PKN2: variants seen among roughly 807,000 people sequenced by gnomAD.
PKN2 encodes protein kinase N2, also known as serine/threonine-protein kinase N2.
A neutral mutation model predicts 119.1 loss-of-function variants in PKN2; 38 were observed. The ratio of observed to expected loss-of-function variants is 0.32; its 90% CI spans 0.25 to 0.42. The LOEUF is 0.42. Ranked by LOEUF, PKN2 falls within the 10% of genes least tolerant of loss-of-function variation. The probability of loss-of-function intolerance (pLI) is 1.00; values close to 1 mark genes in which losing one functional copy is unlikely to be tolerated. For synonymous variants in PKN2, 390 were observed against 384.9 expected (o/e 1.01, Z -0.15); for missense variants, 850 against 1,165.1 (o/e 0.73, Z 3.94).
intron 2 of PKN2, among the ~76,000 whole-genome samples, chr1:88,753,114 A>C (rs1350030452): frequency 3.3e-5 from 5 of 152,206 alleles, no homozygotes; most frequent in Non-Finnish European, 7.3e-5. Flanking sequence ...CGAACTCCTT[A>C]GAATGCTTTT....
chr1:88,701,021 C>T (rs1666748375), intron 1 of PKN2, among the ~76,000 whole-genome samples: 2 of 152,312 alleles, frequency 1.3e-5, no homozygotes, highest in East Asian at 3.9e-4. Context: ...TCCCACATCT[C>T]AGACTGAGAT....
chr1:88,833,477 C>G lies in PKN2; in HGVS notation c.*29C>G, dbSNP rs750475869. The stretch of plus-strand genomic sequence containing the variant: ...GCTAGACACTGCGAAACCAAGCTGA[C>G]TCACAAGAAGACCTCTTAAAAATAG... On this transcript the variant is annotated 3_prime_UTR_variant, in exon 22 of 22. Coordinates refer to ENST00000370521, the MANE Select transcript of PKN2 (RefSeq NM_006256.4). 3.2e-6 allele frequency: 5 copies of G among 1,579,086 alleles called. No homozygotes were observed. In the East Asian group the frequency reaches 9.0e-5, roughly 28 times the overall value.
At chr1:88,770,277 A>G (rs1669833240) in intron 3 of PKN2, 75 bp from the exon 4 acceptor site, 1 of 785,340 alleles carries the variant, frequency 1.3e-6, no homozygotes, top group Non-Finnish European at 2.2e-6. Flanking sequence ...ATATCACTTG[A>G]TCTGTTTAGA....
At chr1:88,726,763 G>T (rs987049434) in intron 1 of PKN2, among the ~76,000 whole-genome samples, 25 of 150,498 alleles carry the variant, frequency 1.7e-4, no homozygotes, top group African/African-American at 5.9e-4. Context: ...AGTTTTGGTG[G>T]TTTTTTTTTG....
At chr1:88,814,807 C>T (rs1671920723) in intron 16 of PKN2, among the ~76,000 whole-genome samples, 2 of 152,164 alleles carry the variant, frequency 1.3e-5, no homozygotes, top group Admixed American at 1.3e-4. Context: ...AGCATAAACC[C>T]AGTAGTAAAT....
intron 1 of PKN2, among the ~76,000 whole-genome samples, chr1:88,714,008 A>T (rs1270164462): frequency 6.6e-6 from 1 of 152,200 alleles, no homozygotes; most frequent in Non-Finnish European, 1.5e-5. Context: ...ATGGCTAGCC[A>T]GTTTTCCCAG....
At chr1:88,791,939 T>C (rs781752090) in intron 8 of PKN2, among the ~76,000 whole-genome samples, 2 of 152,198 alleles carry the variant, frequency 1.3e-5, no homozygotes, top group Admixed American at 6.5e-5. Flanking sequence ...CACTATAATA[T>C]AGCAGAACAA....
At chr1:88,760,445 C>T in intron 3 of PKN2, 69 bp downstream of exon 3, 1 of 889,006 alleles carries the variant, frequency 1.1e-6, no homozygotes, top group Non-Finnish European at 1.7e-6. Flanking sequence ...TATAAATTTA[C>T]CTATTCAATA....
At chr1:88,764,002 G>A (rs17130602) in intron 3 of PKN2, among the ~76,000 whole-genome samples, 16,991 of 152,104 alleles carry the variant, frequency 0.11, 1,976 homozygotes, top group African/African-American at 0.3. Context: ...TGTGCATGTT[G>A]TAATCAGAGC....
intron 1 of PKN2, among the ~76,000 whole-genome samples, chr1:88,710,636 A>G (rs1667191352): frequency 6.6e-6 from 1 of 152,208 alleles, no homozygotes; most frequent in Admixed American, 6.5e-5. Context: ...GGCTATTACT[A>G]AAAAGTCAAA....
intron 8 of PKN2, among the ~76,000 whole-genome samples, chr1:88,792,701 A>C (rs935683381): frequency 6.6e-6 from 1 of 152,156 alleles, no homozygotes. Context: ...AGCTTCAGAA[A>C]TTTCCTTTTC....
chr1:88,716,058 G>C (rs1667436829), intron 1 of PKN2, among the ~76,000 whole-genome samples: 1 of 152,210 alleles, frequency 6.6e-6, no homozygotes, highest in South Asian at 2.1e-4. Flanking sequence ...TTACCCAGTA[G>C]TCATTCAGGA....
At chr1:88,748,413 G>GT (rs1668856371) in intron 2 of PKN2, among the ~76,000 whole-genome samples, 1 of 152,132 alleles carries the variant, frequency 6.6e-6, no homozygotes, top group Non-Finnish European at 1.5e-5. Flanking sequence ...GTTGTTGTGT[G>GT]TATCAGTAGT....
At chr1:88,733,476 A>G (rs772643669) in intron 1 of PKN2, among the ~76,000 whole-genome samples, 13 of 152,174 alleles carry the variant, frequency 8.5e-5, no homozygotes, top group African/African-American at 2.6e-4. Flanking sequence ...GGTTGTTTGT[A>G]TGTTCTTTTT....
intron 1 of PKN2, among the ~76,000 whole-genome samples, chr1:88,726,982 A>G (rs962090014): frequency 3.9e-5 from 6 of 152,000 alleles, no homozygotes; most frequent in South Asian, 2.1e-4. Context: ...TGTTCTTTCT[A>G]TTCTTCCTGG....
chr1:88,728,573 AATAG>A (rs1490883573), intron 1 of PKN2, among the ~76,000 whole-genome samples: 1 of 152,098 alleles, frequency 6.6e-6, no homozygotes, highest in African/African-American at 2.4e-5. Context: ...TTTACAGAAA[AATAG>A]ATAACCATAT....
In PKN2 at chr1:88,833,519, C is replaced by A; in HGVS notation, c.*71C>A. ...TAAAAATAGCAACCCTTCATTTGCT[C>A]TCTGTGCCACCAATAGCTTCTGAGT... On this transcript the variant is annotated 3_prime_UTR_variant, in exon 22 of 22. Transcript: ENST00000370521. 8.8e-7 allele frequency: 1 copy of A among 1,141,356 alleles called. No individual in the cohort carries two copies. 70.7% of individuals were successfully genotyped at this position (1,141,356 alleles called of 1,614,324 possible). A position where few individuals can be genotyped will look rare whatever the true frequency, so the allele number is the denominator to read the frequency against.
intron 15 of PKN2, among the ~76,000 whole-genome samples, chr1:88,812,827 T>C (rs1477956471): frequency 2.6e-5 from 4 of 152,220 alleles, no homozygotes; most frequent in Non-Finnish European, 5.9e-5. Context: ...TTTCATCTGA[T>C]TATTTTATCT....
intron 2 of PKN2, among the ~76,000 whole-genome samples, chr1:88,749,382 C>T (rs549959860): frequency 1.4e-3 from 201 of 141,954 alleles, no homozygotes; most frequent in Non-Finnish European, 2.4e-3. Context: ...TCCAGCCCGG[C>T]GACAGTGCGA....
Sources: gnomAD v4.1 joint callset for allele counts (sites outside exome capture counted in the v4.1 genomes callset) on GRCh38, gnomAD v4.1.1 for gene constraint, MANE v1.5 for transcripts, NCBI Gene and HGNC (gene_info 2026-07-23, HGNC 2026-07-21) for gene names.